Variants in COQ5 observed in about 807,000 individuals in gnomAD.
COQ5 encodes the protein 2-methoxy-6-polyprenyl-1,4-benzoquinol methylase, mitochondrial.
In COQ5, 27 loss-of-function variants were observed where a neutral mutation model predicts 40.5. The ratio of observed to expected loss-of-function variants is 0.67; its 90% CI spans 0.49 to 0.92. COQ5 has a LOEUF of 0.92. Among genes scored for constraint, COQ5 ranks in the 40% least tolerant of loss-of-function variants. The pLI is 0.00. For synonymous variants in COQ5, 141 were observed against 150.0 expected, an observed-to-expected ratio of 0.94 and a Z score of 0.44; for missense variants, 409 against 406.4, an observed-to-expected ratio of 1.01 and a Z score of -0.06.
At chr12:120,507,524 T>C (rs1868934899) in intron 4 of COQ5, among the ~76,000 whole-genome samples, 1 of 149,946 alleles carries the variant, frequency 6.7e-6, no homozygotes, top group Non-Finnish European at 1.5e-5. Flanking sequence ...GACCTCATGA[T>C]CCACCCGCCT....
At chr12:120,528,332 A>G (rs1036058910) in intron 1 of COQ5, among the ~76,000 whole-genome samples, 1 of 152,198 alleles carries the variant, frequency 6.6e-6, no homozygotes, top group Non-Finnish European at 1.5e-5. Context: ...CCACTTACTG[A>G]TATGTTCAAC....
At chr12:120,505,905 G>C (rs564281227) in intron 4 of COQ5, among the ~76,000 whole-genome samples, 1 of 151,694 alleles carries the variant, frequency 6.6e-6, no homozygotes, top group Non-Finnish European at 1.5e-5. Flanking sequence ...GCCCAGGCTA[G>C]AGTGCAATGG....
intron 1 of COQ5, chr12:120,524,022 A>G: frequency 3.2e-6 from 1 of 308,672 alleles, no homozygotes; most frequent in Non-Finnish European, 6.7e-6. Context: ...AATAAAGATG[A>G]AAGATGCATG....
At chr12:120,525,751 C>T (rs1313031235) in intron 1 of COQ5, among the ~76,000 whole-genome samples, 3 of 151,820 alleles carry the variant, frequency 2.0e-5, no homozygotes, top group African/African-American at 7.3e-5. Context: ...AGTGAAACTC[C>T]ATCTCTACTA....
intron 5 of COQ5, 174 bp downstream of exon 5, chr12:120,504,721 C>A: frequency 1.5e-6 from 1 of 661,806 alleles, no homozygotes; most frequent in South Asian, 1.6e-5. Flanking sequence ...TGTAAGCCAA[C>A]TTGGGTCTGG....
chr12:120,521,229 CT>C (rs1170668907), intron 2 of COQ5, among the ~76,000 whole-genome samples: 122 of 151,012 alleles, frequency 8.1e-4, no homozygotes, highest in African/African-American at 2.8e-3. Flanking sequence ...ACCACACTGG[CT>C]TTTTTTTTGT....
intron 5 of COQ5, chr12:120,504,589 T>C (rs1868797857): frequency 2.9e-6 from 1 of 342,390 alleles, no homozygotes; most frequent in Admixed American, 4.2e-5. Flanking sequence ...GTCAAATTTA[T>C]CAGAGGGGGG....
intron 3 of COQ5, among the ~76,000 whole-genome samples, chr12:120,510,475 A>G (rs1272135972): frequency 6.6e-6 from 1 of 152,026 alleles, no homozygotes; most frequent in African/African-American, 2.4e-5. Context: ...CTGCCCAGCT[A>G]GTTTTTAAAA....
chr12:120,513,427 G>A (rs1411105027), intron 3 of COQ5, among the ~76,000 whole-genome samples: 5 of 151,208 alleles, frequency 3.3e-5, no homozygotes, highest in African/African-American at 9.7e-5. Flanking sequence ...GCGTGAACCC[G>A]GGAGGCGGAG....
chr12:120,520,102 T>C (rs1869572399), intron 2 of COQ5, among the ~76,000 whole-genome samples: 1 of 151,508 alleles, frequency 6.6e-6, no homozygotes, highest in Non-Finnish European at 1.5e-5. Context: ...ATCAAATTAT[T>C]ACATTATATA....
intron 1 of COQ5, among the ~76,000 whole-genome samples, chr12:120,523,603 T>C (rs1477219002): frequency 6.6e-6 from 1 of 152,234 alleles, no homozygotes; most frequent in Non-Finnish European, 1.5e-5. Flanking sequence ...TACTACTTTG[T>C]AAAAATGCCA....
chr12:120,507,675 G>T (rs997918827), intron 4 of COQ5, among the ~76,000 whole-genome samples: 3 of 149,792 alleles, frequency 2.0e-5, no homozygotes, highest in African/African-American at 7.3e-5. Flanking sequence ...ATCACCTGAG[G>T]TTGGGAGTTT....
chr12:120,507,162 T>C (rs956351614), intron 4 of COQ5, among the ~76,000 whole-genome samples: 1 of 152,208 alleles, frequency 6.6e-6, no homozygotes, highest in Admixed American at 6.5e-5. Context: ...GAAGTCATTT[T>C]AAAATTTGCT....
chr12:120,524,040 G>C (rs1869813880), intron 1 of COQ5: 1 of 294,066 alleles, frequency 3.4e-6, no homozygotes, highest in African/African-American at 2.3e-5. Flanking sequence ...ATGATTAATG[G>C]AAGGAAAGAC....
chr12:120,528,819 ATCATAACTGCACAGAC>A, intron 1 of COQ5, 105 bp downstream of exon 1: 1 of 976,072 alleles, frequency 1.0e-6, no homozygotes. Context: ...AAAAAAAAAA[ATCATAACTGCACAGAC>A]AACAACACTG....
At chr12:120,504,798 A>C in intron 5 of COQ5, 97 bp downstream of exon 5, 1 of 1,042,338 alleles carries the variant, frequency 9.6e-7, no homozygotes. Context: ...CTGAACTACA[A>C]AGTTCATGCT....
chr12:120,504,929 C>T lies in COQ5; in HGVS notation c.736G>A (p.Glu246Lys), dbSNP rs749890516. The change falls in exon 5 of 7, where the codon GAA becomes AAA. Residue 246 changes from glutamate to lysine, a missense_variant. By Grantham distance (56) the Glu-to-Lys change is moderately conservative (BLOSUM62 1). Coordinates refer to ENST00000288532, the MANE Select transcript of COQ5 (RefSeq NM_032314.4). ...LKPGGRFLCL[E>K]FSQVNNPLIS... ...AGGGGATTGTTCACTTGGCTAAATT[C>T]CAGACAGAGAAACCGTCCTCCTGGT... The T allele has an allele frequency of 9.3e-6, 15 of 1,614,154 alleles. No individual in the cohort carries two copies. Among genetic ancestry groups the T allele is most frequent in the Non-Finnish European group, 1.3e-5 (15 of 1,180,034 alleles).
intron 3 of COQ5, among the ~76,000 whole-genome samples, chr12:120,515,537 G>A (rs1306163114): frequency 1.3e-5 from 2 of 152,202 alleles, no homozygotes; most frequent in Non-Finnish European, 2.9e-5. Context: ...GTGTTTCTTT[G>A]AGTGTATCAG....
At chr12:120,511,269 AAAAG>A (rs1869127578) in intron 3 of COQ5, among the ~76,000 whole-genome samples, 1 of 151,714 alleles carries the variant, frequency 6.6e-6, no homozygotes, top group African/African-American at 2.4e-5. Flanking sequence ...AAAAAAAAAA[AAAAG>A]AAAGTATGCC....
Sources: allele counts gnomAD v4.1 joint callset (sites outside exome capture counted in the v4.1 genomes callset), GRCh38; gene constraint gnomAD v4.1.1; transcripts MANE v1.5; gene names NCBI Gene and HGNC (gene_info 2026-07-23, HGNC 2026-07-21).